The following DET1 variants were observed in gnomAD, a reference collection of about 807,000 sequenced individuals.
DET1 encodes DET1 partner of COP1 E3 ubiquitin ligase, also known as DET1 homolog.
Under a neutral mutation model 43.7 loss-of-function variants are expected in DET1, and 22 were observed. That is an observed-to-expected ratio of 0.50 (90% CI 0.36 to 0.72). The LOEUF is 0.72. DET1 is among the 30% of genes least tolerant of loss of function. The pLI, the probability that DET1 is intolerant of heterozygous loss-of-function variation, is 0.00. For synonymous variants in DET1, 315 were observed against 266.2 expected (o/e 1.18, Z -1.79); for missense variants, 713 against 713.3 (o/e 1.00, Z 0.00).
At chr15:88,537,338 C>T (rs1413861418) in intron 1 of DET1, among the ~76,000 whole-genome samples, 1 of 152,136 alleles carries the variant, frequency 6.6e-6, no homozygotes, top group African/African-American at 2.4e-5. Context: ...CGCCCTCAGC[C>T]CAAATCTAGC....
At chr15:88,517,221 T>G (rs577703166) in intron 3 of DET1, among the ~76,000 whole-genome samples, 3 of 145,700 alleles carry the variant, frequency 2.1e-5, no homozygotes, top group African/African-American at 5.2e-5. Context: ...GTTTGGGTTT[T>G]GGGTTTTTTT....
chr15:88,505,650 T>C (rs1392115734), intron 7 of DET1: 1 of 152,188 alleles, frequency 6.6e-6, no homozygotes, highest in Non-Finnish European at 1.5e-5. Context: ...AACAGCAATG[T>C]TGCAACTGCT....
chr15:88,531,467 G>A lies in DET1; in HGVS notation c.239C>T (p.Thr80Ile), dbSNP rs747218718. ...RYFIAFSSDQTSLEIYEYQGC... is the reference protein window; with the variant it reads ...RYFIAFSSDQISLEIYEYQGC... ...CTGGTACTCATAGATTTCAAGAGAT[G>A]TCTGGTCTGAAGAAAAAGCAATAAA... The change falls in exon 2 of 5, where the codon ACA becomes ATA. Residue 80 changes from threonine to isoleucine, a missense_variant. Coordinates refer to ENST00000268148, the MANE Select transcript of DET1 (RefSeq NM_001144074.3). The surrounding 1 kb of genome is among the most constrained non-coding windows in gnomAD (Gnocchi z 6.2). The A allele has an allele frequency of 3.7e-6, 6 of 1,614,058 alleles. No homozygotes were observed. The highest frequency in any genetic ancestry group is 1.1e-5 in the South Asian group (1 of 91,092).
At chr15:88,528,038 C>T (rs996510654) in intron 2 of DET1, among the ~76,000 whole-genome samples, 1 of 152,184 alleles carries the variant, frequency 6.6e-6, no homozygotes, top group Non-Finnish European at 1.5e-5. Flanking sequence ...AGATTTTCCA[C>T]TGTATCTGTG....
chr15:88,503,276 A>G (rs1421328110), intron 8 of DET1: 6 of 152,144 alleles, frequency 3.9e-5, no homozygotes, highest in Admixed American at 3.9e-4. Flanking sequence ...AAAATAAAAA[A>G]TAAAATAAAA....
chr15:88,527,748 C>G lies in DET1; in HGVS notation c.1122G>C (p.Glu374Asp), dbSNP rs1206067313. Residue 374 changes from glutamate to aspartate, a missense_variant, in exon 3 of 5, where the codon GAG becomes GAC. By Grantham distance (45) the Glu-to-Asp change is conservative. Coordinates refer to ENST00000268148, the MANE Select transcript of DET1 (RefSeq NM_001144074.3). ...FFVVYNMVTT[E>D]VIAVFENTSD... is the part of the protein sequence containing the mutation. ...ATGTATTCTCAAACACAGCAATCAC[C>G]TCTGTCGTCACCATATTGTACACCA... The G allele has an allele frequency of 3.7e-6, 6 of 1,612,666 alleles. No individual in the cohort carries two copies. The highest frequency in any genetic ancestry group is 5.1e-6 in the Non-Finnish European group (6 of 1,179,344).
At chr15:88,521,260 G>A (rs2056482658) in intron 3 of DET1, among the ~76,000 whole-genome samples, 1 of 152,060 alleles carries the variant, frequency 6.6e-6, no homozygotes, top group Non-Finnish European at 1.5e-5. Context: ...TATCCACATG[G>A]CTTGCTCCCT....
chr15:88,510,398 T>A (rs962694742), downstream of DET1, among the ~76,000 whole-genome samples: 8 of 152,186 alleles, frequency 5.3e-5, no homozygotes, highest in Admixed American at 5.2e-4. Context: ...CTCTTTCCAC[T>A]CTGCCAGGTC....
Position 88,504,707 on chromosome 15 carries a change from G to A in DET1, c.*2066-720C>T, listed in dbSNP as rs1369082878. 1 of 152,210 alleles carries A rather than the reference G, an allele frequency of 6.6e-6. No homozygotes were observed. The highest frequency in any genetic ancestry group is 1.9e-4 in the East Asian group (1 of 5,166). 9.4% of individuals were successfully genotyped at this position (152,210 alleles called of 1,614,324 possible). On this transcript the variant is annotated intron_variant and NMD_transcript_variant, in intron 7 of 8. Transcript: ENST00000557842. The surrounding 1 kb of genome is among the most constrained non-coding windows in gnomAD (Gnocchi z 4.7). ...CTCAGCCCTAATCACCCCAGGGCCA[G>A]GTACCAGACAACCAGGGATAGCACC...
At position 88,516,168 on chromosome 15, in the gene DET1, G is replaced by C. The variant is rs575792605; in HGVS notation, c.1463+614C>G. On this transcript the variant is annotated intron_variant, in intron 4 of 4. Transcript: ENST00000268148. The surrounding 1 kb of genome is among the most constrained non-coding windows in gnomAD (Gnocchi z 4.4). ...CCCCCCTTGAGATAACTCCACTAGT[G>C]ACAATAATTCCAGCTCCTCCCCCTA... Among the ~76,000 whole-genome samples, 8 of 152,272 alleles carry C rather than the reference G, an allele frequency of 5.3e-5. No homozygotes were observed. In the South Asian group the frequency reaches 1.7e-3, roughly 32 times the overall value.
At position 88,531,779 on chromosome 15, in the gene DET1, T is replaced by C; in HGVS notation, c.-10-64A>G. 3 of 1,439,378 alleles carry C rather than the reference T, an allele frequency of 2.1e-6. No homozygotes were observed. The highest frequency in any genetic ancestry group is 2.4e-5 in the East Asian group (1 of 41,978). 89.2% of individuals were successfully genotyped at this position (1,439,378 alleles called of 1,614,324 possible). On this transcript the variant is annotated intron_variant, in intron 1 of 4. Coordinates refer to ENST00000268148, the MANE Select transcript of DET1 (RefSeq NM_001144074.3). This position sits in a 1 kb window ranked among gnomAD's most constrained non-coding sequence, Gnocchi z 6.2. ...CAGAATTTACCAAAATATAAATATA[T>C]ACAAGTGAAACAGATTTCTCTTCTT... is the stretch of plus-strand genomic sequence containing the variant.
At chr15:88,539,197 T>C (rs1442805851) in intron 1 of DET1, among the ~76,000 whole-genome samples, 2 of 152,018 alleles carry the variant, frequency 1.3e-5, no homozygotes, top group Non-Finnish European at 2.9e-5. Flanking sequence ...TGAGTGACTG[T>C]GGGAGGACAA....
intron 3 of DET1, among the ~76,000 whole-genome samples, chr15:88,526,694 T>G (rs376758121): frequency 6.6e-6 from 1 of 152,358 alleles, no homozygotes; most frequent in South Asian, 2.1e-4. Flanking sequence ...TTCCTGTTTT[T>G]AGCATAACAT....
At chr15:88,544,887 G>A (rs1185260871) in intron 1 of DET1, among the ~76,000 whole-genome samples, 1 of 152,280 alleles carries the variant, frequency 6.6e-6, no homozygotes, top group East Asian at 1.9e-4. Context: ...TACCCACGAA[G>A]AGCAACACAA....
Position 88,541,902 on chromosome 15 carries a change from C to T in DET1, c.-11+4638G>A, listed in dbSNP as rs371637782. On this transcript the variant is annotated intron_variant, in intron 1 of 4. Transcript: ENST00000268148. ...CGAGGAGACGTCCCCTGTGGGCTCA[C>T]CGCCCAATTGCCTCCCGGCTGTGAC... is the stretch of plus-strand genomic sequence containing the variant. Among the ~76,000 whole-genome samples the T allele has an allele frequency of 7.1e-4, 108 of 152,292 alleles. No homozygotes were observed. The South Asian group carries it at 0.021, about 29-fold the overall frequency.
rs1047404571 is a variant in DET1, at chr15:88,516,129, G to A, written c.1463+653C>T. The stretch of plus-strand genomic sequence containing the variant: ...AAGACCTTCCAAGCTCCAGCCTATA[G>A]CCTCAGGAACACACCCCCCTTGAGA... On this transcript the variant is annotated intron_variant, in intron 4 of 4. Coordinates refer to ENST00000268148, the MANE Select transcript of DET1 (RefSeq NM_001144074.3). This position sits in a 1 kb window ranked among gnomAD's most constrained non-coding sequence, Gnocchi z 4.4. 4.6e-5 allele frequency among the ~76,000 whole-genome samples: 7 copies of A among 152,074 alleles called. No homozygotes were observed. Among genetic ancestry groups the A allele is most frequent in the Non-Finnish European group, 7.4e-5 (5 of 68,026 alleles).
intron 1 of DET1, chr15:88,536,280 T>C (rs2056946845): frequency 1.3e-6 from 1 of 767,090 alleles, no homozygotes; most frequent in Non-Finnish European, 2.4e-6. Flanking sequence ...TTATTAATGG[T>C]CTTTATCTCT....
chr15:88,513,271 C>A (rs17190166), intron 4 of DET1, 131 bp from the exon 5 acceptor site: 346,846 of 898,246 alleles, frequency 0.39, 70,927 homozygotes, highest in Middle Eastern at 0.47. Context: ...CCTCTTATAT[C>A]AGCCCCAGGT....
chr15:88,546,342 G>T (rs750163032), intron 1 of DET1, 198 bp downstream of exon 1: 1 of 152,436 alleles, frequency 6.6e-6, no homozygotes, highest in East Asian at 1.9e-4. Flanking sequence ...AAACCAGAAG[G>T]GGATGCCAAG....
Sources: gnomAD v4.1 joint callset for allele counts (sites outside exome capture counted in the v4.1 genomes callset) on GRCh38, gnomAD v4.1.1 for gene constraint, Gnocchi (gnomAD v3.1) non-coding constraint, MANE v1.5 for transcripts, NCBI Gene and HGNC (gene_info 2026-07-23, HGNC 2026-07-21) for gene names.